GABARAPL2: variants seen among roughly 807,000 people sequenced by gnomAD.
The protein encoded by GABARAPL2 is GABA type A receptor associated protein like 2, also known as gamma-aminobutyric acid receptor-associated protein-like 2.
Under a neutral mutation model 16.9 loss-of-function variants are expected in GABARAPL2, and 11 were observed. The observed-to-expected ratio is 0.65, with a 90% confidence interval of 0.41 to 1.08. GABARAPL2 has a LOEUF of 1.08. GABARAPL2 is among the 50% of genes least tolerant of loss of function. The pLI, the probability that GABARAPL2 is intolerant of heterozygous loss-of-function variation, is 0.00. For missense variants in GABARAPL2, 134 were observed against 142.5 expected, an observed-to-expected ratio of 0.94 and a Z score of 0.30; for synonymous variants, 57 against 50.7, an observed-to-expected ratio of 1.12 and a Z score of -0.53.
rs147967714 is a variant in GABARAPL2, at chr16:75,568,039, G to C, written c.93G>C (p.Val31=). Reference sequence around the variant, plus strand: ...CTGACCTCTCTTTACTTTCCCAGGTGATTGTGGAAAAGGTCTCAGGCTCTC... The same window carrying C: ...CTGACCTCTCTTTACTTTCCCAGGTCATTGTGGAAAAGGTCTCAGGCTCTC... ...IRAKYPDRVP[V]IVEKVSGSQI... Residue 31 remains valine, a splice_region_variant and synonymous_variant, in exon 3 of 4, where the codon GTG becomes GTC. Transcript: ENST00000037243. 356 of 1,599,276 alleles carry C rather than the reference G, an allele frequency of 2.2e-4. No homozygotes were observed. The Middle Eastern group carries it at 5.2e-3, about 23-fold the overall frequency.
intron 1 of GABARAPL2, 29 bp downstream of exon 1, chr16:75,566,549 T>A (rs377023735): frequency 6.2e-7 from 1 of 1,604,910 alleles, no homozygotes. Context: ...GCCCGGCTGC[T>A]GGGGGCTGGG....
At chr16:75,571,581 C>T (rs1465687380) in intron 3 of GABARAPL2, among the ~76,000 whole-genome samples, 1 of 152,078 alleles carries the variant, frequency 6.6e-6, no homozygotes, top group Non-Finnish European at 1.5e-5. Context: ...CAATTAATGA[C>T]TTCTCACCCC....
At position 75,577,321 on chromosome 16, in the gene GABARAPL2, T is replaced by A; in HGVS notation, c.306T>A (p.Asp102Glu). 1 of 1,613,144 alleles carries A rather than the reference T, an allele frequency of 6.2e-7. No homozygotes were observed. The highest frequency in any genetic ancestry group is 8.5e-7 in the Non-Finnish European group (1 of 1,179,072). The change falls in exon 4 of 4, where the codon GAT (aspartate) becomes GAA (glutamate). Residue 102 changes from aspartate to glutamate, a missense_variant. Physicochemically the swap from Asp to Glu is conservative, Grantham distance 45. Coordinates refer to ENST00000037243, the MANE Select transcript of GABARAPL2 (RefSeq NM_007285.7). ...TTTACGAGAAGGAAAAAGATGAAGA[T>A]GGATTCTTATATGTGGCCTACAGCG... ...GQLYEKEKDE[D>E]GFLYVAYSGE...
chr16:75,566,990 G>C, intron 2 of GABARAPL2, 83 bp downstream of exon 2: 3 of 1,186,100 alleles, frequency 2.5e-6, no homozygotes, highest in South Asian at 1.2e-5. Flanking sequence ...TTCAACAGTT[G>C]ACAAGTTGAG....
chr16:75,566,973 C>T (rs2080887806), intron 2 of GABARAPL2, 66 bp downstream of exon 2: 1 of 1,311,460 alleles, frequency 7.6e-7, no homozygotes, highest in Non-Finnish European at 1.1e-6. Context: ...TGATAGGCCC[C>T]AGGCCATTCA....
Position 75,577,343 on chromosome 16 carries a change from A to G in GABARAPL2, c.328A>G (p.Ser110Gly), listed in dbSNP as rs760707494. The G allele has an allele frequency of 1.2e-6, 2 of 1,611,724 alleles. No homozygotes were observed. The highest frequency in any genetic ancestry group is 2.2e-5 in the East Asian group (1 of 44,870). ...DEDGFLYVAYSGENTFGF is the reference protein window; with the variant it reads ...DEDGFLYVAYGGENTFGF The stretch of plus-strand genomic sequence containing the variant: ...AGATGGATTCTTATATGTGGCCTAC[A>G]GCGGAGAGAACACTTTTGGCTTCTG... Residue 110 changes from serine to glycine, a missense_variant, in exon 4 of 4, where the codon AGC becomes GGC. By Grantham distance (56) the Ser-to-Gly change is moderately conservative. Transcript: ENST00000037243.
At chr16:75,567,379 A>G (rs534099457) in intron 2 of GABARAPL2, among the ~76,000 whole-genome samples, 1 of 152,322 alleles carries the variant, frequency 6.6e-6, no homozygotes, top group South Asian at 2.1e-4. Context: ...AGCCGCTGAA[A>G]ACCCCTTCTG....
At chr16:75,575,656 T>C (rs1488807844) in intron 3 of GABARAPL2, 6 of 152,254 alleles carry the variant, frequency 3.9e-5, no homozygotes, top group African/African-American at 1.2e-4. Context: ...TTCACCGTTG[T>C]TAGCCAGGAT....
chr16:75,567,576 C>G (rs993358428), intron 2 of GABARAPL2, among the ~76,000 whole-genome samples: 1 of 152,176 alleles, frequency 6.6e-6, no homozygotes, highest in South Asian at 2.1e-4. Flanking sequence ...CAGAGAGGAG[C>G]AACAGGCCAA....
intron 3 of GABARAPL2, chr16:75,572,223 CAGGG>C (rs987290517): frequency 1.3e-5 from 2 of 152,170 alleles, no homozygotes; most frequent in African/African-American, 4.8e-5. Context: ...TGGGGAGCCT[CAGGG>C]CCTTATTAAC....
chr16:75,566,416 G>T lies in GABARAPL2; in HGVS notation c.-71G>T. 8.5e-7 allele frequency: 1 copy of T among 1,179,316 alleles called. No individual in the cohort carries two copies. 73.1% of individuals were successfully genotyped at this position (1,179,316 alleles called of 1,614,324 possible). A position where few individuals can be genotyped will look rare whatever the true frequency, so the allele number is the denominator to read the frequency against. ...CGCTGCCGCTGCCGCTGCCGCCGTCGTTGTTGTTGTGCTCGGTGCGCTGAG... is the reference window on the plus strand; with the variant it reads ...CGCTGCCGCTGCCGCTGCCGCCGTCTTTGTTGTTGTGCTCGGTGCGCTGAG... On this transcript the variant is annotated 5_prime_UTR_variant, in exon 1 of 4. Coordinates refer to ENST00000037243, the MANE Select transcript of GABARAPL2 (RefSeq NM_007285.7).
intron 1 of GABARAPL2, 59 bp from the exon 2 acceptor site, chr16:75,566,793 G>C: frequency 6.7e-7 from 1 of 1,499,898 alleles, no homozygotes; most frequent in Non-Finnish European, 9.3e-7. Context: ...GGAGGGCCGG[G>C]GGCCGGGAAC....
At position 75,568,192 on chromosome 16, in the gene GABARAPL2, G is replaced by A; in HGVS notation, c.246G>A (p.Lys82=). ...AGGCGATCTTCCTGTTTGTGGATAA[G>A]ACAGTCCCACAGTCCAGGTGAGAGG... is the stretch of plus-strand genomic sequence containing the variant. ...SEKAIFLFVD[K]TVPQSSLTMG... The change falls in exon 3 of 4, where the codon AAG becomes AAA. Residue 82 remains lysine (K), a synonymous_variant. Coordinates refer to ENST00000037243, the MANE Select transcript of GABARAPL2 (RefSeq NM_007285.7). 2.5e-6 allele frequency: 4 copies of A among 1,610,786 alleles called. No homozygotes were observed. Among genetic ancestry groups the A allele is most frequent in the Non-Finnish European group, 3.4e-6 (4 of 1,177,102 alleles).
intron 3 of GABARAPL2, among the ~76,000 whole-genome samples, chr16:75,574,233 G>A (rs1227194752): frequency 6.6e-6 from 1 of 152,168 alleles, no homozygotes; most frequent in Non-Finnish European, 1.5e-5. Flanking sequence ...TGGTGTTTAC[G>A]AAGCTCTTCA....
At chr16:75,570,357 A>G (rs1166698863) in intron 3 of GABARAPL2, among the ~76,000 whole-genome samples, 1 of 152,242 alleles carries the variant, frequency 6.6e-6, no homozygotes, top group Non-Finnish European at 1.5e-5. Flanking sequence ...AAAAAGTGCT[A>G]CAGGGTCCTT....
chr16:75,566,773 C>T (rs918371060), intron 1 of GABARAPL2, 79 bp from the exon 2 acceptor site: 6 of 1,333,718 alleles, frequency 4.5e-6, no homozygotes, highest in African/African-American at 2.9e-5. Flanking sequence ...GTACGCAGGG[C>T]GCAGGAGGAG....
At position 75,570,871 on chromosome 16, in the gene GABARAPL2, C is replaced by T. The variant is rs904522840; in HGVS notation, c.263+2662C>T. Among the ~76,000 whole-genome samples the T allele has an allele frequency of 6.6e-5, 10 of 152,116 alleles. No homozygotes were observed. In the South Asian group the frequency reaches 8.3e-4, roughly 13 times the overall value. Reference sequence around the variant, plus strand: ...CCAGCATCAAGAATCAGGCCAAAAACGGAATGGGGAACCATGCCTTTGTTC... The same window carrying T: ...CCAGCATCAAGAATCAGGCCAAAAATGGAATGGGGAACCATGCCTTTGTTC... On this transcript the variant is annotated intron_variant, in intron 3 of 3. Transcript: ENST00000037243.
At chr16:75,573,639 C>T (rs1238554055) in intron 3 of GABARAPL2, among the ~76,000 whole-genome samples, 1 of 152,232 alleles carries the variant, frequency 6.6e-6, no homozygotes, top group Non-Finnish European at 1.5e-5. Context: ...GCATGTGATG[C>T]AGAGACTGGC....
chr16:75,577,355 A>G lies in GABARAPL2; in HGVS notation c.340A>G (p.Thr114Ala). Reference protein sequence around the residue: ...FLYVAYSGENTFGF With the variant: ...FLYVAYSGENAFGF ...ATATGTGGCCTACAGCGGAGAGAAC[A>G]CTTTTGGCTTCTGAGGGCCATTGCT... Residue 114 changes from threonine (T) to alanine (A), a missense_variant, in exon 4 of 4, where the codon ACT (threonine) becomes GCT (alanine). Transcript: ENST00000037243. 1 of 1,608,376 alleles carries G rather than the reference A, an allele frequency of 6.2e-7. No individual in the cohort carries two copies. The highest frequency in any genetic ancestry group is 8.5e-7 in the Non-Finnish European group (1 of 1,174,758).
Sources: allele counts gnomAD v4.1 joint callset (sites outside exome capture counted in the v4.1 genomes callset), GRCh38; gene constraint gnomAD v4.1.1; transcripts MANE v1.5; gene names NCBI Gene and HGNC (gene_info 2026-07-23, HGNC 2026-07-21).